DEPTOR: variants seen among roughly 807,000 people sequenced by gnomAD.
DEPTOR encodes the protein DEP domain-containing mTOR-interacting protein.
A neutral mutation model predicts 41.6 loss-of-function variants in DEPTOR; 41 were observed. The ratio of observed to expected loss-of-function variants is 0.98; its 90% CI spans 0.77 to 1.28. The LOEUF (loss-of-function observed/expected upper bound fraction) is 1.28. Among genes scored for constraint, DEPTOR ranks in the 50% most tolerant of loss-of-function variants. The pLI is 0.00. For synonymous variants in DEPTOR, 195 were observed against 192.3 expected (o/e 1.01, Z -0.12); for missense variants, 514 against 527.9 (o/e 0.97, Z 0.26).
At chr8:119,982,573 GCAGTA>G (rs1828782175) in intron 4 of DEPTOR, among the ~76,000 whole-genome samples, 1 of 152,188 alleles carries the variant, frequency 6.6e-6, no homozygotes, top group South Asian at 2.1e-4. Flanking sequence ...AACAGAAAGT[GCAGTA>G]AAGATAGTTT....
At chr8:119,947,257 C>G (rs949061304) in intron 3 of DEPTOR, among the ~76,000 whole-genome samples, 1 of 152,240 alleles carries the variant, frequency 6.6e-6, no homozygotes, top group African/African-American at 2.4e-5. Flanking sequence ...TTGACCAGAT[C>G]ATCCCAACAC....
At chr8:119,929,978 T>A in intron 3 of DEPTOR, 40 bp downstream of exon 3, 1 of 1,591,292 alleles carries the variant, frequency 6.3e-7, no homozygotes, top group South Asian at 1.1e-5. Context: ...TCTTGACTTA[T>A]AGAAAGAAGC....
intron 6 of DEPTOR, among the ~76,000 whole-genome samples, chr8:120,004,494 C>T (rs1372015704): frequency 6.6e-6 from 1 of 152,120 alleles, no homozygotes; most frequent in Non-Finnish European, 1.5e-5. Flanking sequence ...CAAAAGATCT[C>T]AGTTTCAATA....
chr8:119,878,898 A>G (rs1199059104), intron 1 of DEPTOR, among the ~76,000 whole-genome samples: 2 of 151,496 alleles, frequency 1.3e-5, no homozygotes, highest in Non-Finnish European at 1.5e-5. Context: ...ATCACCTGAG[A>G]TCGGGAGTTC....
chr8:120,013,841 T>TTC (rs1491501149), intron 8 of DEPTOR, among the ~76,000 whole-genome samples: 1 of 13,624 alleles, frequency 7.3e-5, no homozygotes, highest in Non-Finnish European at 2.0e-4. Context: ...CTATGACTAC[T>TTC]TTTTTTTTTT....
chr8:119,885,541 A>G (rs116243682), intron 1 of DEPTOR, among the ~76,000 whole-genome samples: 2,828 of 152,302 alleles, frequency 0.019, 85 homozygotes, highest in African/African-American at 0.063. Context: ...TACAGTGAGC[A>G]TAGCCTAGGT....
At chr8:119,932,383 T>C (rs1331627744) in intron 3 of DEPTOR, among the ~76,000 whole-genome samples, 3 of 151,760 alleles carry the variant, frequency 2.0e-5, no homozygotes, top group African/African-American at 4.8e-5. Context: ...AGAACTGTTA[T>C]TGCTTAATGG....
chr8:119,927,614 T>A (rs1827979892), intron 1 of DEPTOR, among the ~76,000 whole-genome samples: 1 of 147,540 alleles, frequency 6.8e-6, no homozygotes, highest in Non-Finnish European at 1.5e-5. Flanking sequence ...ATATATATAT[T>A]ATATATATTT....
At chr8:119,993,539 T>A (rs963519769) in intron 4 of DEPTOR, among the ~76,000 whole-genome samples, 1 of 152,232 alleles carries the variant, frequency 6.6e-6, no homozygotes, top group Non-Finnish European at 1.5e-5. Flanking sequence ...TGAATGTAGA[T>A]GTTGAACACT....
intron 1 of DEPTOR, among the ~76,000 whole-genome samples, chr8:119,892,229 C>T (rs1455030825): frequency 6.6e-6 from 1 of 152,192 alleles, no homozygotes; most frequent in East Asian, 1.9e-4. Flanking sequence ...AAATTCCTGA[C>T]ATCAGGTGAT....
chr8:120,019,729 G>A (rs769772784), intron 8 of DEPTOR, among the ~76,000 whole-genome samples: 2 of 152,166 alleles, frequency 1.3e-5, no homozygotes, highest in Non-Finnish European at 2.9e-5. Context: ...TGAGTACATG[G>A]GCACATCTCA....
rs145757512 is a variant in DEPTOR at position 120,003,708 on chromosome 8, G to A, written c.925+597G>A. Among the ~76,000 whole-genome samples, 4 of 152,308 alleles carry A rather than the reference G, an allele frequency of 2.6e-5. No homozygotes were observed. In the East Asian group the frequency reaches 7.7e-4, roughly 29 times the overall value. On this transcript the variant is annotated intron_variant, in intron 6 of 8. Coordinates refer to ENST00000286234, the MANE Select transcript of DEPTOR (RefSeq NM_022783.4). ...GCTATCCCTGGAATTGACCCTGGGTGTCTTGTGGTTTCAAAATCTGCTCAT... is the reference window on the plus strand; with the variant it reads ...GCTATCCCTGGAATTGACCCTGGGTATCTTGTGGTTTCAAAATCTGCTCAT...
At chr8:120,040,258 A>T (rs1158364706) in intron 8 of DEPTOR, among the ~76,000 whole-genome samples, 2 of 152,274 alleles carry the variant, frequency 1.3e-5, no homozygotes, top group South Asian at 2.1e-4. Context: ...TGGGATGAGC[A>T]TTTAAACTAA....
intron 8 of DEPTOR, 83 bp downstream of exon 8, chr8:120,009,216 C>A: frequency 8.5e-7 from 1 of 1,180,014 alleles, no homozygotes; most frequent in Non-Finnish European, 1.2e-6. Flanking sequence ...ACTAGGGATC[C>A]AAACCCATCT....
chr8:119,893,846 C>T (rs1827480997), intron 1 of DEPTOR, among the ~76,000 whole-genome samples: 1 of 152,124 alleles, frequency 6.6e-6, no homozygotes, highest in African/African-American at 2.4e-5. Flanking sequence ...CTCTGCTACC[C>T]TACCAGTGTT....
intron 1 of DEPTOR, among the ~76,000 whole-genome samples, chr8:119,900,398 T>TC (rs1827575161): frequency 7.9e-6 from 1 of 127,154 alleles, no homozygotes; most frequent in Non-Finnish European, 1.6e-5. Context: ...TTTTTTTTTT[T>TC]TTTTTTGGGA....
intron 3 of DEPTOR, among the ~76,000 whole-genome samples, chr8:119,951,321 G>A (rs1279897783): frequency 2.0e-5 from 3 of 152,114 alleles, no homozygotes; most frequent in Non-Finnish European, 4.4e-5. Context: ...AAGGCTCACC[G>A]AGGTTTGAAT....
Position 119,963,121 on chromosome 8 carries a change from G to C in DEPTOR, c.426-2111G>C, listed in dbSNP as rs114549966. On this transcript the variant is annotated intron_variant, in intron 3 of 8. Coordinates refer to ENST00000286234, the MANE Select transcript of DEPTOR (RefSeq NM_022783.4). ...GGAATCTGGAATGTGGATAGTAATC[G>C]AAGACAGGAAATGGAGGAGCTCACT... Among the ~76,000 whole-genome samples, 384 of 152,236 alleles carry C rather than the reference G, an allele frequency of 2.5e-3. 1 individual carries two copies. The highest frequency in any genetic ancestry group is 8.6e-3 in the African/African-American group (358 of 41,536).
intron 1 of DEPTOR, among the ~76,000 whole-genome samples, chr8:119,888,487 G>A (rs1051063829): frequency 2.0e-5 from 3 of 152,080 alleles, no homozygotes; most frequent in Non-Finnish European, 4.4e-5. Flanking sequence ...TGAATTCTGG[G>A]CAGGATTTTT....
Sources: gnomAD v4.1 joint callset for allele counts (sites outside exome capture counted in the v4.1 genomes callset) on GRCh38, gnomAD v4.1.1 for gene constraint, MANE v1.5 for transcripts, NCBI Gene and HGNC (gene_info 2026-07-23, HGNC 2026-07-21) for gene names.